The following JAKMIP1 variants were observed in gnomAD, a reference collection of about 807,000 sequenced individuals.
The protein encoded by JAKMIP1 is janus kinase and microtubule interacting protein 1.
JAKMIP1 carries 33 observed loss-of-function variants against 113.0 expected under a neutral mutation model. The observed-to-expected ratio is 0.29, with a 90% CI of 0.22 to 0.39. The LOEUF (loss-of-function observed/expected upper bound fraction) is 0.39. Ranked by LOEUF, JAKMIP1 falls within the 10% of genes least tolerant of loss-of-function variation. The pLI, the probability that JAKMIP1 is intolerant of heterozygous loss-of-function variation, is 1.00. For synonymous variants in JAKMIP1, 480 were observed against 459.9 expected (o/e 1.04, Z -0.56); for missense variants, 813 against 1,080.5 (o/e 0.75, Z 3.47).
At position 6,140,322 on chromosome 4, in the gene JAKMIP1, C is replaced by G. The variant is rs16838311; in HGVS notation, c.-147-27325G>C. On this transcript the variant is annotated intron_variant, in intron 1 of 20. Transcript: ENST00000409021. The surrounding 1 kb of genome is among the most constrained non-coding windows in gnomAD (Gnocchi z 9.4). ...GTGATACACATCTTCCCACATAAAT[C>G]ATAATGCACACCTGATGATGGGCCG... Among the ~76,000 whole-genome samples, 16,903 of 149,760 alleles carry G rather than the reference C, an allele frequency of 0.11. 1,655 individuals carry two copies. The highest frequency in any genetic ancestry group is 0.27 in the African/African-American group (10,802 of 40,532).
Position 6,192,713 on chromosome 4 carries a change from G to C in JAKMIP1, c.-148+7540C>G, listed in dbSNP as rs1004308519. Among the ~76,000 whole-genome samples the C allele has an allele frequency of 2.6e-5, 4 of 152,202 alleles. No individual in the cohort carries two copies. The highest frequency in any genetic ancestry group is 5.9e-5 in the Non-Finnish European group (4 of 68,038). On this transcript the variant is annotated intron_variant, in intron 1 of 20. Coordinates refer to ENST00000409021, the MANE Select transcript of JAKMIP1 (RefSeq NM_001099433.2). This position sits in a 1 kb window ranked among gnomAD's most constrained non-coding sequence, Gnocchi z 5.0. ...CAGAGGAGGAGAAACCCCACAGGCA[G>C]GGTTCCTGCCCTCATAGTGCTTGAT...
At chr4:6,073,436 T>C (rs1005320957) in intron 8 of JAKMIP1, among the ~76,000 whole-genome samples, 2 of 152,186 alleles carry the variant, frequency 1.3e-5, no homozygotes, top group Non-Finnish European at 2.9e-5. Context: ...TCCAATGTGC[T>C]TTGATGGTTC....
In JAKMIP1 at chr4:6,036,047, C is replaced by G; in HGVS notation, c.2236G>C (p.Ala746Pro). ...TGGCCCTCGCTCAGCGCCTCACCGG[C>G]CCTCCGCCCCGGCTCCTGCTGCAGC... is the stretch of plus-strand genomic sequence containing the variant. ...TALQQEPGRRAGEALSEGQRE... is the reference protein window; with the variant it reads ...TALQQEPGRRPGEALSEGQRE... The change falls in exon 19 of 21, where the codon GCC becomes CCC. Residue 746 changes from alanine (A) to proline (P), a missense_variant. This residue lies in a region of JAKMIP1 where 273 missense variants were observed against 426.6 expected (regional missense o/e 0.64). Transcript: ENST00000409021. 1 of 1,555,804 alleles carries G rather than the reference C, an allele frequency of 6.4e-7. No individual in the cohort carries two copies. The highest frequency in any genetic ancestry group is 8.7e-7 in the Non-Finnish European group (1 of 1,149,338).
In JAKMIP1 at chr4:6,176,355, C is replaced by T. The variant is rs1419349516; in HGVS notation, c.-148+23898G>A. 6.6e-6 allele frequency among the ~76,000 whole-genome samples: 1 copy of T among 152,122 alleles called. No individual in the cohort carries two copies. Among genetic ancestry groups the T allele is most frequent in the Non-Finnish European group, 1.5e-5 (1 of 68,026 alleles). On this transcript the variant is annotated intron_variant, in intron 1 of 20. Coordinates refer to ENST00000409021, the MANE Select transcript of JAKMIP1 (RefSeq NM_001099433.2). This position sits in a 1 kb window ranked among gnomAD's most constrained non-coding sequence, Gnocchi z 5.5. ...TCCTGGTCTGGTGGGGTATGAAGATCCCTGAGGTGAACCATGAATACAAAC... is the reference window on the plus strand; with the variant it reads ...TCCTGGTCTGGTGGGGTATGAAGATTCCTGAGGTGAACCATGAATACAAAC...
At position 6,044,634 on chromosome 4, in the gene JAKMIP1, A is replaced by T. The variant is rs1230609843; in HGVS notation, c.2029-2407T>A. Among the ~76,000 whole-genome samples, 1 of 152,128 alleles carries T rather than the reference A, an allele frequency of 6.6e-6. No homozygotes were observed. The highest frequency in any genetic ancestry group is 6.5e-5 in the Admixed American group (1 of 15,290). ...GCAGTCATAAAATGAATAAAATTAA[A>T]ATGGGAAATCCAGGTTTGGATGATT... is the stretch of plus-strand genomic sequence containing the variant. On this transcript the variant is annotated intron_variant, in intron 16 of 20. Transcript: ENST00000409021. The surrounding 1 kb of genome is among the most constrained non-coding windows in gnomAD (Gnocchi z 4.4).
rs12643500 is a variant in JAKMIP1 at position 6,152,932 on chromosome 4, T to C, written c.-147-39935A>G. On this transcript the variant is annotated intron_variant, in intron 1 of 20. Transcript: ENST00000409021. ...GTTGCAGTGAGCCAAGATCACGCCA[T>C]TGCACTTCACCCTGGGCAACAAGAG... 3.7e-4 allele frequency among the ~76,000 whole-genome samples: 56 copies of C among 151,164 alleles called. No homozygotes were observed. In the East Asian group the frequency reaches 0.01, roughly 28 times the overall value.
In JAKMIP1 at chr4:6,042,923, C is replaced by T; in HGVS notation, c.2029-696G>A. ...ACAGGCGGGGCGTGCACCTGAGCGG[C>T]AGGTAAGGGAGTGGGAGCTCTGTCC... On this transcript the variant is annotated intron_variant, in intron 16 of 20. Transcript: ENST00000409021. This position sits in a 1 kb window ranked among gnomAD's most constrained non-coding sequence, Gnocchi z 5.2. Among the ~76,000 whole-genome samples, 1 of 152,020 alleles carries T rather than the reference C, an allele frequency of 6.6e-6. No individual in the cohort carries two copies. Among genetic ancestry groups the T allele is most frequent in the Non-Finnish European group, 1.5e-5 (1 of 68,000 alleles).
chr4:6,070,580 C>T (rs1718816931), intron 8 of JAKMIP1, among the ~76,000 whole-genome samples: 1 of 152,254 alleles, frequency 6.6e-6, no homozygotes, highest in Non-Finnish European at 1.5e-5. Flanking sequence ...TTGTCAACAC[C>T]ATGGCACAGG....
intron 3 of JAKMIP1, among the ~76,000 whole-genome samples, chr4:6,098,247 A>G (rs577391945): frequency 3.9e-5 from 6 of 152,302 alleles, no homozygotes; most frequent in African/African-American, 1.4e-4. Flanking sequence ...CCTGGCCAAC[A>G]TGGCGAAGCC....
At chr4:6,122,746 A>G (rs1716886986) in intron 1 of JAKMIP1, among the ~76,000 whole-genome samples, 1 of 152,170 alleles carries the variant, frequency 6.6e-6, no homozygotes, top group Non-Finnish European at 1.5e-5. Flanking sequence ...TATGGAGGTC[A>G]GGGAGGGGGA....
intron 8 of JAKMIP1, among the ~76,000 whole-genome samples, chr4:6,066,224 A>T (rs1015746640): frequency 6.6e-6 from 1 of 152,040 alleles, no homozygotes; most frequent in African/African-American, 2.4e-5. Flanking sequence ...TTTTACCCAG[A>T]TATCTGTAAA....
At position 6,061,412 on chromosome 4, in the gene JAKMIP1, G is replaced by C. The variant is rs79079703; in HGVS notation, c.1560+900C>G. Among the ~76,000 whole-genome samples the C allele has an allele frequency of 4.6e-5, 7 of 152,130 alleles. No homozygotes were observed. The highest frequency in any genetic ancestry group is 1.7e-4 in the African/African-American group (7 of 41,416). Reference sequence around the variant, plus strand: ...CCCCTGGAACAAACTCCACGTGGGCGTGGCCTCTCCTCTCTGCCTTTGCCA... The same window carrying C: ...CCCCTGGAACAAACTCCACGTGGGCCTGGCCTCTCCTCTCTGCCTTTGCCA... On this transcript the variant is annotated intron_variant, in intron 10 of 20. Transcript: ENST00000409021. The surrounding 1 kb of genome is among the most constrained non-coding windows in gnomAD (Gnocchi z 5.3).
chr4:6,199,312 C>A lies in JAKMIP1; in HGVS notation c.-148+941G>T, dbSNP rs1428797594. 6.6e-6 allele frequency among the ~76,000 whole-genome samples: 1 copy of A among 152,212 alleles called. No homozygotes were observed. Among genetic ancestry groups the A allele is most frequent in the Middle Eastern group, 3.2e-3 (1 of 316 alleles). On this transcript the variant is annotated intron_variant, in intron 1 of 20. Coordinates refer to ENST00000409021, the MANE Select transcript of JAKMIP1 (RefSeq NM_001099433.2). The surrounding 1 kb of genome is among the most constrained non-coding windows in gnomAD (Gnocchi z 5.6). ...ACCGGCGAGCTGGGGTGTGTGGGAG[C>A]GGGATGCTTCTAAGGCGAAAAGAAG...
At position 6,129,410 on chromosome 4, in the gene JAKMIP1, A is replaced by G. The variant is rs900193147; in HGVS notation, c.-147-16413T>C. 2.0e-5 allele frequency among the ~76,000 whole-genome samples: 3 copies of G among 152,206 alleles called. No individual in the cohort carries two copies. The highest frequency in any genetic ancestry group is 4.4e-5 in the Non-Finnish European group (3 of 68,028). ...GGTCCTTGGCCTTGCTCTTGGATAA[A>G]CAAAGCCATGAGTGTTTGATCTCTA... On this transcript the variant is annotated intron_variant, in intron 1 of 20. Transcript: ENST00000409021. This position sits in a 1 kb window ranked among gnomAD's most constrained non-coding sequence, Gnocchi z 5.4.
At chr4:6,077,499 T>C (rs1719850935) in intron 8 of JAKMIP1, among the ~76,000 whole-genome samples, 1 of 148,744 alleles carries the variant, frequency 6.7e-6, no homozygotes, top group African/African-American at 2.5e-5. Flanking sequence ...TTTTTTTTTT[T>C]TTTTTGAGAC....
intron 2 of JAKMIP1, among the ~76,000 whole-genome samples, chr4:6,111,065 C>A (rs529617864): frequency 6.6e-6 from 1 of 152,052 alleles, no homozygotes; most frequent in South Asian, 2.1e-4. Context: ...GTTCCAGAAG[C>A]CCAGTCCCCT....
At position 6,199,361 on chromosome 4, in the gene JAKMIP1, A is replaced by G. The variant is rs1578541082; in HGVS notation, c.-148+892T>C. ...AGCGCCAGCCTCGTAAGCGGCCTCT[A>G]TCTGGGCTGCCCAGGCCGGATGCTC... On this transcript the variant is annotated intron_variant, in intron 1 of 20. Coordinates refer to ENST00000409021, the MANE Select transcript of JAKMIP1 (RefSeq NM_001099433.2). This position sits in a 1 kb window ranked among gnomAD's most constrained non-coding sequence, Gnocchi z 5.6. Among the ~76,000 whole-genome samples, 1 of 152,104 alleles carries G rather than the reference A, an allele frequency of 6.6e-6. No homozygotes were observed. The highest frequency in any genetic ancestry group is 2.4e-5 in the African/African-American group (1 of 41,452).
At chr4:6,098,670 GAGAAAGAAAGAAAGAAAGAAAGAAAGAA>G (rs757166386) in intron 3 of JAKMIP1, among the ~76,000 whole-genome samples, 6,205 of 100,216 alleles carry the variant, frequency 0.062, 153 homozygotes, top group South Asian at 0.09. Flanking sequence ...AAGAAAGAGA[GAGAAAGAAAGAAAGAAAGAAAGAAAGAA>G]AGAAAGAAAG....
In JAKMIP1 at chr4:6,150,148, C is replaced by T. The variant is rs1236880202; in HGVS notation, c.-147-37151G>A. ...ATACAGGTAGTGCCCCCTTCGGCTA[C>T]TTCCCCACAGCACAGAACATTCTCC... On this transcript the variant is annotated intron_variant, in intron 1 of 20. Transcript: ENST00000409021. This position sits in a 1 kb window ranked among gnomAD's most constrained non-coding sequence, Gnocchi z 4.8. Among the ~76,000 whole-genome samples the T allele has an allele frequency of 6.6e-6, 1 of 152,176 alleles. No homozygotes were observed. Among genetic ancestry groups the T allele is most frequent in the Non-Finnish European group, 1.5e-5 (1 of 68,044 alleles).
Sources: allele counts gnomAD v4.1 joint callset (sites outside exome capture counted in the v4.1 genomes callset), GRCh38; gene constraint gnomAD v4.1.1; regional missense constraint gnomAD v4.1.1; non-coding constraint Gnocchi (gnomAD v3.1); transcripts MANE v1.5; gene names NCBI Gene and HGNC (gene_info 2026-07-23, HGNC 2026-07-21).